The following ERBB4 variants were observed in gnomAD, a reference collection of about 807,000 sequenced individuals.
The protein encoded by ERBB4 is receptor tyrosine-protein kinase erbB-4.
A neutral mutation model predicts 158.0 loss-of-function variants in ERBB4; 42 were observed. The ratio of observed to expected loss-of-function variants is 0.27; its 90% CI spans 0.21 to 0.34. The LOEUF (loss-of-function observed/expected upper bound fraction) is 0.34, where lower values mean the gene tolerates loss of function less well. Among genes scored for constraint, ERBB4 ranks in the 10% least tolerant of loss-of-function variants. ERBB4 has a pLI of 1.00. For synonymous variants in ERBB4, 583 were observed against 558.7 expected, an observed-to-expected ratio of 1.04 and a Z score of -0.61; for missense variants, 1,333 against 1,624.1, an observed-to-expected ratio of 0.82 and a Z score of 3.08.
At chr2:211,577,841 TCA>T (rs1215213906) in intron 19 of ERBB4, among the ~76,000 whole-genome samples, 2 of 152,058 alleles carry the variant, frequency 1.3e-5, no homozygotes, top group African/African-American at 4.8e-5. Flanking sequence ...TATGACAAAC[TCA>T]CAGTCAGTAT....
intron 20 of ERBB4, among the ~76,000 whole-genome samples, chr2:211,525,609 C>T (rs2066325073): frequency 6.6e-6 from 1 of 152,104 alleles, no homozygotes; most frequent in African/African-American, 2.4e-5. Context: ...ACCAGGTCGG[C>T]CACACACTGG....
At chr2:212,153,187 T>C (rs2125632473) in intron 1 of ERBB4, among the ~76,000 whole-genome samples, 1 of 152,354 alleles carries the variant, frequency 6.6e-6, no homozygotes, top group East Asian at 1.9e-4. Flanking sequence ...GCATCTTCTC[T>C]ATAAATATGG....
chr2:212,190,422 A>G (rs2082152944), intron 1 of ERBB4, among the ~76,000 whole-genome samples: 2 of 152,048 alleles, frequency 1.3e-5, no homozygotes, highest in South Asian at 2.1e-4. Flanking sequence ...CTGTAGTCCC[A>G]GCTACTCGGG....
At chr2:211,782,149 C>T (rs1347147081) in intron 4 of ERBB4, among the ~76,000 whole-genome samples, 1 of 152,150 alleles carries the variant, frequency 6.6e-6, no homozygotes, top group Admixed American at 6.5e-5. Context: ...ACTTTTCACT[C>T]AGGCCTTCCC....
chr2:212,151,075 T>A (rs1386032392), intron 1 of ERBB4, among the ~76,000 whole-genome samples: 1 of 152,020 alleles, frequency 6.6e-6, no homozygotes, highest in Non-Finnish European at 1.5e-5. Flanking sequence ...TAAATATGAA[T>A]GAAAATGGAA....
chr2:211,422,487 A>AC (rs2063534570), intron 23 of ERBB4, among the ~76,000 whole-genome samples: 3 of 97,264 alleles, frequency 3.1e-5, no homozygotes, highest in African/African-American at 8.3e-5. Context: ...GTCCTGGTGG[A>AC]CAAAAAAAAA....
chr2:211,952,847 C>A (rs981552152), intron 2 of ERBB4, among the ~76,000 whole-genome samples: 1 of 151,718 alleles, frequency 6.6e-6, no homozygotes, highest in Non-Finnish European at 1.5e-5. Flanking sequence ...AATAGCCAGG[C>A]AGATGAACTG....
intron 3 of ERBB4, among the ~76,000 whole-genome samples, chr2:211,802,367 T>C (rs72948544): frequency 0.042 from 6,419 of 152,278 alleles, 198 homozygotes; most frequent in Non-Finnish European, 0.062. Context: ...ATACATATCT[T>C]TCCTTACAAT....
At chr2:212,483,061 C>T (rs1288055779) in intron 1 of ERBB4, among the ~76,000 whole-genome samples, 1 of 152,120 alleles carries the variant, frequency 6.6e-6, no homozygotes, top group Non-Finnish European at 1.5e-5. Context: ...GGATGAATGG[C>T]CAGAGAGGCC....
intron 2 of ERBB4, among the ~76,000 whole-genome samples, chr2:212,072,799 A>G (rs1211342762): frequency 6.6e-6 from 1 of 152,026 alleles, no homozygotes; most frequent in Non-Finnish European, 1.5e-5. Flanking sequence ...AGATGAGGAA[A>G]AAGTAAGCCC....
intron 4 of ERBB4, among the ~76,000 whole-genome samples, chr2:211,785,250 T>C (rs1052125822): frequency 6.6e-5 from 10 of 152,076 alleles, no homozygotes; most frequent in Admixed American, 2.6e-4. Context: ...TACAGGTGCC[T>C]GCCACCACGC....
intron 1 of ERBB4, among the ~76,000 whole-genome samples, chr2:212,255,181 G>A (rs80307776): frequency 0.07 from 10,588 of 152,026 alleles, 572 homozygotes; most frequent in African/African-American, 0.16. Context: ...ACTGAATACT[G>A]TACTATTAAG....
chr2:211,821,153 A>G (rs1015513351), intron 3 of ERBB4, among the ~76,000 whole-genome samples: 4 of 151,852 alleles, frequency 2.6e-5, no homozygotes, highest in Non-Finnish European at 5.9e-5. Flanking sequence ...ACAGATCTGA[A>G]GACTACCAAA....
intron 3 of ERBB4, among the ~76,000 whole-genome samples, chr2:211,875,025 C>CAAAAAAAAAAATAA (rs2078456507): frequency 3.7e-5 from 1 of 27,030 alleles, no homozygotes; most frequent in African/African-American, 1.5e-4. Context: ...AATAGAAATG[C>CAAAAAAAAAAATAA]AAAAAAAAAA....
At position 211,735,950 on chromosome 2, in the gene ERBB4, C is replaced by T. The variant is rs145160526; in HGVS notation, c.623-10756G>A. Among the ~76,000 whole-genome samples, 1,170 of 151,762 alleles carry T rather than the reference C, an allele frequency of 7.7e-3. 21 individuals carry two copies. Among genetic ancestry groups the T allele is most frequent in the Middle Eastern group, 0.045 (13 of 292 alleles). On this transcript the variant is annotated intron_variant, in intron 5 of 27. Transcript: ENST00000342788. Reference sequence around the variant, plus strand: ...GGAGGATCTCTTGAGCCCAGGCATTCGAGACTAGCCTAGGCAACATAATGA... The same window carrying T: ...GGAGGATCTCTTGAGCCCAGGCATTTGAGACTAGCCTAGGCAACATAATGA...
intron 19 of ERBB4, among the ~76,000 whole-genome samples, chr2:211,607,712 T>G (rs1336281085): frequency 6.6e-6 from 1 of 152,014 alleles, no homozygotes; most frequent in Non-Finnish European, 1.5e-5. Flanking sequence ...TAGCATTTTT[T>G]GGGAAAAAAA....
intron 1 of ERBB4, among the ~76,000 whole-genome samples, chr2:212,182,151 A>G (rs373764618): frequency 1.3e-5 from 2 of 151,974 alleles, no homozygotes; most frequent in East Asian, 1.9e-4. Flanking sequence ...AATGTTCTAA[A>G]TTCCTAACAT....
intron 19 of ERBB4, among the ~76,000 whole-genome samples, chr2:211,609,393 G>A (rs1010430910): frequency 2.0e-5 from 3 of 151,852 alleles, no homozygotes; most frequent in African/African-American, 7.3e-5. Context: ...GCCTTGCTGG[G>A]TTTCCTCACT....
intron 18 of ERBB4, 75 bp downstream of exon 18, chr2:211,623,847 A>G (rs2069729497): frequency 1.4e-6 from 2 of 1,448,562 alleles, no homozygotes; most frequent in Non-Finnish European, 1.9e-6. Context: ...GTCTAAAGTA[A>G]TAACTCCATT....
Sources: gnomAD v4.1 joint callset for allele counts (sites outside exome capture counted in the v4.1 genomes callset) on GRCh38, gnomAD v4.1.1 for gene constraint, MANE v1.5 for transcripts, NCBI Gene and HGNC (gene_info 2026-07-23, HGNC 2026-07-21) for gene names.